The following PRDM16 variants were observed in gnomAD, a reference collection of about 807,000 sequenced individuals.
The protein encoded by PRDM16 is histone-lysine N-methyltransferase PRDM16.
Under a neutral mutation model 110.6 loss-of-function variants are expected in PRDM16, and 23 were observed. The observed-to-expected ratio is 0.21, with a 90% CI of 0.15 to 0.29. The LOEUF is 0.29. PRDM16 is among the 10% of genes least tolerant of loss of function. The probability of loss-of-function intolerance (pLI) is 1.00; values close to 1 mark genes in which losing one functional copy is unlikely to be tolerated. For synonymous variants in PRDM16, 799 were observed against 781.8 expected (o/e 1.02, Z -0.37); for missense variants, 1,615 against 1,794.3 (o/e 0.90, Z 1.81).
intron 3 of PRDM16, among the ~76,000 whole-genome samples, chr1:3,331,176 G>T (rs1570088375): frequency 6.6e-6 from 1 of 152,216 alleles, no homozygotes; most frequent in East Asian, 1.9e-4. Flanking sequence ...CATACCTCCA[G>T]CACTTGGGTG....
At chr1:3,391,726 C>A (rs984381965) in intron 4 of PRDM16, among the ~76,000 whole-genome samples, 7 of 152,264 alleles carry the variant, frequency 4.6e-5, no homozygotes, top group African/African-American at 1.7e-4. Flanking sequence ...TTTCCTCGCT[C>A]TGCCAGAGGA....
chr1:3,369,541 G>A (rs1225432080), intron 3 of PRDM16, among the ~76,000 whole-genome samples: 1 of 152,262 alleles, frequency 6.6e-6, no homozygotes, highest in Non-Finnish European at 1.5e-5. Context: ...TGAGGAGAAA[G>A]GATGGGCTGA....
chr1:3,124,649 C>T (rs1643165823), intron 1 of PRDM16, among the ~76,000 whole-genome samples: 1 of 152,220 alleles, frequency 6.6e-6, no homozygotes, highest in East Asian at 1.9e-4. Context: ...TCCTGCCAGG[C>T]CTTGGAGCGG....
intron 3 of PRDM16, among the ~76,000 whole-genome samples, chr1:3,319,675 C>T (rs568969060): frequency 6.6e-6 from 1 of 152,102 alleles, no homozygotes; most frequent in African/African-American, 2.4e-5. Flanking sequence ...TTGGGGAAAT[C>T]GAAGCCTAGG....
At chr1:3,331,120 C>T (rs1642032963) in intron 3 of PRDM16, among the ~76,000 whole-genome samples, 1 of 152,262 alleles carries the variant, frequency 6.6e-6, no homozygotes, top group Non-Finnish European at 1.5e-5. Flanking sequence ...CTGCAAGCTG[C>T]TCCTGCCCTT....
intron 3 of PRDM16, among the ~76,000 whole-genome samples, chr1:3,312,416 A>G (rs940592081): frequency 6.6e-6 from 1 of 152,336 alleles, no homozygotes; most frequent in Admixed American, 6.5e-5. Flanking sequence ...GGCAGCAGGC[A>G]GCCCCCAGCC....
rs993575244 is a variant in PRDM16 at position 3,353,904 on chromosome 1, C to T, written c.439-31248C>T. On this transcript the variant is annotated intron_variant, in intron 3 of 16. Coordinates refer to ENST00000270722, the MANE Select transcript of PRDM16 (RefSeq NM_022114.4). This position sits in a 1 kb window ranked among gnomAD's most constrained non-coding sequence, Gnocchi z 5.4. ...GGGGTCTTTCTAGAAGCCAAGGGGG[C>T]CCTTGGCACACACATGTGGATGCAG... Among the ~76,000 whole-genome samples, 5 of 152,066 alleles carry T rather than the reference C, an allele frequency of 3.3e-5. No homozygotes were observed. The highest frequency in any genetic ancestry group is 1.2e-4 in the African/African-American group (5 of 41,414).
At position 3,175,647 on chromosome 1, in the gene PRDM16, A is replaced by C. The variant is rs1403062801; in HGVS notation, c.38-10478A>C. On this transcript the variant is annotated intron_variant, in intron 1 of 16. Transcript: ENST00000270722. The surrounding 1 kb of genome is among the most constrained non-coding windows in gnomAD (Gnocchi z 4.8). ...GTGGAAGCTGCAGTCCCGTGGAGCC[A>C]GGCACAGCTCCGGCCAAGTCCCAGA... Among the ~76,000 whole-genome samples the C allele has an allele frequency of 6.6e-6, 1 of 152,178 alleles. No individual in the cohort carries two copies. Among genetic ancestry groups the C allele is most frequent in the Non-Finnish European group, 1.5e-5 (1 of 68,024 alleles).
intron 4 of PRDM16, chr1:3,394,380 CGCCCACCCAGCCCTCTG>C: frequency 2.3e-6 from 1 of 441,392 alleles, no homozygotes; most frequent in Non-Finnish European, 4.5e-6. Context: ...AGCCCCCGTC[CGCCCACCCAGCCCTCTG>C]CCCGCCAGTG....
chr1:3,431,520 C>T (rs559707078), intron 15 of PRDM16, among the ~76,000 whole-genome samples: 2 of 152,246 alleles, frequency 1.3e-5, no homozygotes, highest in South Asian at 2.1e-4. Flanking sequence ...CCTCAGTGTT[C>T]GCCACCAATA....
Position 3,141,343 on chromosome 1 carries a change from T to A in PRDM16, c.38-44782T>A, listed in dbSNP as rs551338423. The stretch of plus-strand genomic sequence containing the variant: ...GCTGGGCTGGGCGGTAATTTATGAC[T>A]GGTGCCTGCAATTTGCAAACCTAAT... On this transcript the variant is annotated intron_variant, in intron 1 of 16. Transcript: ENST00000270722. Among the ~76,000 whole-genome samples the A allele has an allele frequency of 1.2e-3, 187 of 152,320 alleles. 2 individuals are homozygous for A. Among genetic ancestry groups the A allele is most frequent in the African/African-American group, 4.3e-3 (177 of 41,578 alleles).
chr1:3,152,361 CATCCATCCATCCATCCATCCATTT>C (rs1213584070), intron 1 of PRDM16, among the ~76,000 whole-genome samples: 41 of 148,796 alleles, frequency 2.8e-4, no homozygotes, highest in Non-Finnish European at 5.3e-4. Context: ...TCCATCCATC[CATCCATCCATCCATCCATCCATTT>C]ATCCATCCAT....
chr1:3,388,294 C>T (rs148041733), intron 4 of PRDM16, among the ~76,000 whole-genome samples: 110 of 149,426 alleles, frequency 7.4e-4, no homozygotes, highest in African/African-American at 2.7e-3. Flanking sequence ...CTCTCTTTCT[C>T]TGTCTCTCTC....
Position 3,434,285 on chromosome 1 carries a change from A to G in PRDM16, c.*474A>G, listed in dbSNP as rs1304222685. On this transcript the variant is annotated 3_prime_UTR_variant, in exon 17 of 17. Coordinates refer to ENST00000270722, the MANE Select transcript of PRDM16 (RefSeq NM_022114.4). ...CCGTATTGACTGCAGAGTCTATTTA[A>G]GCATGTGGTTTTAAAAATAGACAGT... The G allele has an allele frequency of 4.3e-6, 1 of 234,038 alleles. No individual in the cohort carries two copies. The highest frequency in any genetic ancestry group is 8.4e-6 in the Non-Finnish European group (1 of 118,804). 14.5% of individuals were successfully genotyped at this position (234,038 alleles called of 1,614,324 possible).
At chr1:3,377,779 C>T (rs747498814) in intron 3 of PRDM16, among the ~76,000 whole-genome samples, 1 of 152,192 alleles carries the variant, frequency 6.6e-6, no homozygotes, top group Non-Finnish European at 1.5e-5. Context: ...GTGGGCTGGG[C>T]CGCTCCTTCC....
intron 1 of PRDM16, among the ~76,000 whole-genome samples, chr1:3,118,865 C>T (rs377701118): frequency 2.0e-4 from 31 of 152,368 alleles, no homozygotes; most frequent in African/African-American, 7.2e-4. Context: ...GGGCCCGAGG[C>T]ACCTCTGTGC....
intron 1 of PRDM16, among the ~76,000 whole-genome samples, chr1:3,078,264 CT>C (rs1412527746): frequency 1.3e-5 from 2 of 152,088 alleles, no homozygotes; most frequent in Non-Finnish European, 2.9e-5. Context: ...AGGATGCATG[CT>C]AGGGGCCCAC....
intron 1 of PRDM16, among the ~76,000 whole-genome samples, chr1:3,185,407 C>T (rs1284468086): frequency 6.6e-6 from 1 of 152,192 alleles, no homozygotes; most frequent in Non-Finnish European, 1.5e-5. Flanking sequence ...ACCAGCCTCC[C>T]CAAGACCCAG....
chr1:3,342,865 T>C (rs114775231), intron 3 of PRDM16, among the ~76,000 whole-genome samples: 1,833 of 152,300 alleles, frequency 0.012, 38 homozygotes, highest in African/African-American at 0.041. Context: ...ATGGTATGAA[T>C]AGATCCCAGG....
Sources: gnomAD v4.1 joint callset for allele counts (sites outside exome capture counted in the v4.1 genomes callset) on GRCh38, gnomAD v4.1.1 for gene constraint, Gnocchi (gnomAD v3.1) non-coding constraint, MANE v1.5 for transcripts, NCBI Gene and HGNC (gene_info 2026-07-23, HGNC 2026-07-21) for gene names.